Variants in AKAP7 observed in about 807,000 individuals in gnomAD.
The protein encoded by AKAP7 is A-kinase anchoring protein 7.
AKAP7 carries 39 observed loss-of-function variants against 39.5 expected under a neutral mutation model. The observed-to-expected ratio is 0.99, with a 90% CI of 0.76 to 1.29. The LOEUF is 1.29. Among genes scored for constraint, AKAP7 ranks in the 50% most tolerant of loss-of-function variants. The pLI is 0.00. For synonymous variants in AKAP7, 140 were observed against 139.1 expected (o/e 1.01, Z -0.05); for missense variants, 414 against 407.7 (o/e 1.02, Z -0.13).
At chr6:131,275,577 G>A (rs1268087108) in intron 7 of AKAP7, among the ~76,000 whole-genome samples, 1 of 152,180 alleles carries the variant, frequency 6.6e-6, no homozygotes, top group Admixed American at 6.5e-5. Flanking sequence ...AAGTCTCTAA[G>A]GGGCTGTGCT....
At chr6:131,177,913 G>GA (rs1804736325) in intron 5 of AKAP7, among the ~76,000 whole-genome samples, 1 of 152,192 alleles carries the variant, frequency 6.6e-6, no homozygotes, top group African/African-American at 2.4e-5. Context: ...TCCTCTAGGT[G>GA]AAGGCTGCTC....
chr6:131,188,166 A>G (rs552487137), intron 5 of AKAP7, among the ~76,000 whole-genome samples: 1 of 152,342 alleles, frequency 6.6e-6, no homozygotes, highest in African/African-American at 2.4e-5. Flanking sequence ...GGAAATATCT[A>G]TTTAAGATGA....
chr6:131,186,512 C>T (rs1805874221), intron 5 of AKAP7, among the ~76,000 whole-genome samples: 1 of 152,108 alleles, frequency 6.6e-6, no homozygotes, highest in African/African-American at 2.4e-5. Flanking sequence ...TTGTTGAAAC[C>T]ATTTGACCTT....
rs556472469 is a variant in AKAP7 at position 131,135,517 on chromosome 6, G to C, written c.-247G>C. On this transcript the variant is annotated 5_prime_UTR_variant, in exon 1 of 8. Transcript: ENST00000431975. Reference sequence around the variant, plus strand: ...GCATGCGGGTGCTGCGGCTGCTGCGGCTGCCGCCGCCGCTGCTGCCGCTGC... The same window carrying C: ...GCATGCGGGTGCTGCGGCTGCTGCGCCTGCCGCCGCCGCTGCTGCCGCTGC... 1 of 161,834 alleles carries C rather than the reference G, an allele frequency of 6.2e-6. No individual in the cohort carries two copies. The highest frequency in any genetic ancestry group is 2.6e-5 in the African/African-American group (1 of 39,062). 10.0% of individuals were successfully genotyped at this position (161,834 alleles called of 1,614,324 possible).
chr6:131,139,391 C>G (rs1800837982), intron 1 of AKAP7, among the ~76,000 whole-genome samples: 1 of 152,104 alleles, frequency 6.6e-6, no homozygotes, highest in African/African-American at 2.4e-5. Flanking sequence ...TTTGATGTAA[C>G]ATTGCATTTG....
At chr6:131,232,224 A>G (rs1384206892) in intron 7 of AKAP7, among the ~76,000 whole-genome samples, 1 of 152,214 alleles carries the variant, frequency 6.6e-6, no homozygotes, top group Non-Finnish European at 1.5e-5. Flanking sequence ...CACTACTAAA[A>G]TGATGCAGTA....
intron 6 of AKAP7, among the ~76,000 whole-genome samples, chr6:131,218,820 A>G (rs1331857096): frequency 6.6e-6 from 1 of 152,204 alleles, no homozygotes; most frequent in South Asian, 2.1e-4. Flanking sequence ...CCCTGCTCCA[A>G]TTCAAGTAAT....
Position 131,135,792 on chromosome 6 carries a change from G to C in AKAP7, c.19+10G>C. On this transcript the variant is annotated intron_variant, in intron 1 of 7. Coordinates refer to ENST00000431975, the MANE Select transcript of AKAP7 (RefSeq NM_016377.4). ...GAGCGCCCCGAAGCGGGTGAGACCG[G>C]GCTGTCCAGCGGGCCGGGGCGGGGG... 8.1e-7 allele frequency: 1 copy of C among 1,228,232 alleles called. No homozygotes were observed. 76.1% of individuals were successfully genotyped at this position (1,228,232 alleles called of 1,614,324 possible).
At chr6:131,226,492 A>C (rs1042517966) in intron 7 of AKAP7, among the ~76,000 whole-genome samples, 4 of 152,364 alleles carry the variant, frequency 2.6e-5, no homozygotes, top group Non-Finnish European at 5.9e-5. Flanking sequence ...TGAAAACCCT[A>C]CTTCTTTTTG....
chr6:131,231,249 G>A (rs935716418), intron 7 of AKAP7, among the ~76,000 whole-genome samples: 1 of 152,086 alleles, frequency 6.6e-6, no homozygotes, highest in Non-Finnish European at 1.5e-5. Flanking sequence ...GCCCCAGACA[G>A]ACAGGAGCAT....
intron 5 of AKAP7, chr6:131,185,112 G>T: frequency 1.6e-6 from 1 of 640,650 alleles, no homozygotes; most frequent in Non-Finnish European, 3.0e-6. Flanking sequence ...CTTCCCCAGG[G>T]GGTCAGTGTG....
intron 5 of AKAP7, among the ~76,000 whole-genome samples, chr6:131,182,758 C>A (rs185512948): frequency 6.6e-6 from 1 of 152,206 alleles, no homozygotes; most frequent in East Asian, 1.9e-4. Flanking sequence ...TTTACATTCC[C>A]ACCAGCAGTG....
In AKAP7 at chr6:131,217,800, G is replaced by C. The variant is rs1055419823; in HGVS notation, c.703-1861G>C. On this transcript the variant is annotated intron_variant, in intron 6 of 7. Transcript: ENST00000431975. ...GTGAAGATTATAGCAATAGTGGCTAGTCGGTGCTGCACTGGTTTCTTGAAA... is the reference window on the plus strand; with the variant it reads ...GTGAAGATTATAGCAATAGTGGCTACTCGGTGCTGCACTGGTTTCTTGAAA... 9.9e-5 allele frequency among the ~76,000 whole-genome samples: 15 copies of C among 152,250 alleles called. No homozygotes were observed. In the East Asian group the frequency reaches 2.7e-3, roughly 27 times the overall value.
intron 1 of AKAP7, among the ~76,000 whole-genome samples, chr6:131,142,203 A>C (rs976287379): frequency 6.6e-6 from 1 of 152,204 alleles, no homozygotes; most frequent in Non-Finnish European, 1.5e-5. Context: ...TAGCATGACT[A>C]AAATGGAGGC....
At chr6:131,241,601 G>GTATATATACGTATATATATA (rs1174091023) in intron 7 of AKAP7, among the ~76,000 whole-genome samples, 1 of 97,602 alleles carries the variant, frequency 1.0e-5, no homozygotes, top group African/African-American at 5.1e-5. Context: ...GTGTGTGTGT[G>GTATATATACGTATATATATA]TGTGTGTGTG....
At chr6:131,258,427 TAA>T (rs1342093130) in intron 7 of AKAP7, among the ~76,000 whole-genome samples, 1 of 152,204 alleles carries the variant, frequency 6.6e-6, no homozygotes, top group African/African-American at 2.4e-5. Flanking sequence ...GTTCCATAGC[TAA>T]GTCACTGAGA....
intron 7 of AKAP7, among the ~76,000 whole-genome samples, chr6:131,251,985 C>T (rs1462796006): frequency 6.6e-6 from 1 of 152,232 alleles, no homozygotes; most frequent in African/African-American, 2.4e-5. Context: ...ATTCTTTCCC[C>T]ACCCTCTTCA....
intron 6 of AKAP7, among the ~76,000 whole-genome samples, chr6:131,211,722 G>A (rs1486210628): frequency 2.9e-5 from 4 of 138,110 alleles, no homozygotes; most frequent in East Asian, 4.2e-4. Flanking sequence ...GCAGTGAGCC[G>A]AGATCACGCC....
At chr6:131,272,569 T>A (rs937058690) in intron 7 of AKAP7, among the ~76,000 whole-genome samples, 6 of 152,214 alleles carry the variant, frequency 3.9e-5, no homozygotes, top group Non-Finnish European at 7.3e-5. Flanking sequence ...TTACGTTCAG[T>A]TAAAGGTATT....
Sources: gnomAD v4.1 joint callset for allele counts (sites outside exome capture counted in the v4.1 genomes callset) on GRCh38, gnomAD v4.1.1 for gene constraint, MANE v1.5 for transcripts, NCBI Gene and HGNC (gene_info 2026-07-23, HGNC 2026-07-21) for gene names.